The following PARD3 variants were observed in gnomAD, a reference collection of about 807,000 sequenced individuals.
PARD3 encodes the protein par-3 family cell polarity regulator.
Under a neutral mutation model 155.4 loss-of-function variants are expected in PARD3, and 75 were observed. The observed-to-expected ratio is 0.48, with a 90% confidence interval of 0.40 to 0.58. The LOEUF is 0.58. PARD3 is among the 20% of genes least tolerant of loss of function. The probability of loss-of-function intolerance (pLI) is 0.00; values close to 1 mark genes in which losing one functional copy is unlikely to be tolerated. For missense variants in PARD3, 1,642 were observed against 1,721.7 expected (o/e 0.95, Z 0.82); for synonymous variants, 576 against 610.5 (o/e 0.94, Z 0.83).
At chr10:34,496,295 T>A (rs917167888) in intron 3 of PARD3, among the ~76,000 whole-genome samples, 1 of 151,866 alleles carries the variant, frequency 6.6e-6, no homozygotes, top group Admixed American at 6.6e-5. Flanking sequence ...ACTTTCCATA[T>A]GAACTGTATA....
At chr10:34,579,040 G>A (rs1196915853) in intron 2 of PARD3, among the ~76,000 whole-genome samples, 3 of 152,148 alleles carry the variant, frequency 2.0e-5, no homozygotes, top group African/African-American at 7.2e-5. Flanking sequence ...GGGAGACCAA[G>A]GAGGGTGGAT....
chr10:34,446,865 G>A (rs532148445), intron 5 of PARD3, among the ~76,000 whole-genome samples: 3 of 152,072 alleles, frequency 2.0e-5, no homozygotes, highest in Non-Finnish European at 4.4e-5. Context: ...ATAAAACATA[G>A]GCTGAGATGA....
chr10:34,753,982 T>C (rs1028702042), intron 1 of PARD3, among the ~76,000 whole-genome samples: 2 of 152,082 alleles, frequency 1.3e-5, no homozygotes, highest in Non-Finnish European at 2.9e-5. Flanking sequence ...AAAATAGTCA[T>C]CGTAGATCAG....
intron 2 of PARD3, among the ~76,000 whole-genome samples, chr10:34,605,096 T>C (rs924317915): frequency 6.6e-6 from 1 of 151,892 alleles, no homozygotes; most frequent in Non-Finnish European, 1.5e-5. Flanking sequence ...AATTTTGTTG[T>C]ACACTAGGGT....
At chr10:34,149,848 G>A (rs936124099) in intron 22 of PARD3, among the ~76,000 whole-genome samples, 2 of 152,054 alleles carry the variant, frequency 1.3e-5, no homozygotes, top group African/African-American at 4.8e-5. Flanking sequence ...TTTTGCCTTG[G>A]CTGCCAGGAA....
intron 5 of PARD3, among the ~76,000 whole-genome samples, chr10:34,443,733 G>A (rs534198832): frequency 1.5e-4 from 23 of 151,892 alleles, no homozygotes; most frequent in African/African-American, 5.3e-4. Flanking sequence ...ATTTGGGTGG[G>A]GACACAGCCA....
At chr10:34,754,228 A>T (rs2133970862) in intron 1 of PARD3, among the ~76,000 whole-genome samples, 1 of 152,044 alleles carries the variant, frequency 6.6e-6, no homozygotes, top group South Asian at 2.1e-4. Flanking sequence ...CTGGATTTGA[A>T]CTCCTGGCCT....
intron 1 of PARD3, among the ~76,000 whole-genome samples, chr10:34,725,237 C>G: frequency 6.6e-6 from 1 of 151,878 alleles, no homozygotes; most frequent in Admixed American, 6.6e-5. Flanking sequence ...ACTGCATGCT[C>G]CAACTCCCAG....
intron 12 of PARD3, among the ~76,000 whole-genome samples, chr10:34,364,187 C>A (rs920903041): frequency 6.6e-6 from 1 of 152,122 alleles, no homozygotes; most frequent in Non-Finnish European, 1.5e-5. Context: ...GAAAAACAAT[C>A]ATGGGAAGGG....
At chr10:34,146,544 A>G (rs999098221) in intron 22 of PARD3, among the ~76,000 whole-genome samples, 1 of 152,204 alleles carries the variant, frequency 6.6e-6, no homozygotes, top group African/African-American at 2.4e-5. Flanking sequence ...CAAGCACATG[A>G]CCTGGTGCTA....
At chr10:34,722,033 A>G (rs1282962466) in intron 1 of PARD3, among the ~76,000 whole-genome samples, 2 of 151,982 alleles carry the variant, frequency 1.3e-5, no homozygotes, top group Non-Finnish European at 2.9e-5. Flanking sequence ...AATAATAAAA[A>G]ACACAAAAAT....
intron 7 of PARD3, among the ~76,000 whole-genome samples, chr10:34,396,153 C>T (rs897717294): frequency 6.6e-6 from 1 of 152,130 alleles, no homozygotes; most frequent in Non-Finnish European, 1.5e-5. Context: ...TGTTCCAGAT[C>T]AACCTGGCCA....
chr10:34,190,338 T>A (rs986481077), intron 22 of PARD3, among the ~76,000 whole-genome samples: 2 of 152,182 alleles, frequency 1.3e-5, no homozygotes, highest in Non-Finnish European at 2.9e-5. Flanking sequence ...TTTCTAAAAA[T>A]CTAAGACAAT....
intron 22 of PARD3, among the ~76,000 whole-genome samples, chr10:34,147,294 G>C (rs1308633894): frequency 6.6e-6 from 1 of 152,090 alleles, no homozygotes; most frequent in Non-Finnish European, 1.5e-5. Flanking sequence ...CTGTGGGTTT[G>C]CTTGGTTTCT....
At chr10:34,599,550 A>C (rs2089590463) in intron 2 of PARD3, among the ~76,000 whole-genome samples, 2 of 152,232 alleles carry the variant, frequency 1.3e-5, no homozygotes. Context: ...GTTATCTTCA[A>C]GTATTTGAAT....
chr10:34,422,382 T>A (rs550411244), intron 5 of PARD3, among the ~76,000 whole-genome samples: 3 of 152,034 alleles, frequency 2.0e-5, no homozygotes, highest in African/African-American at 7.2e-5. Flanking sequence ...TTGTCAGATA[T>A]GAACCCAAAG....
At chr10:34,293,737 T>C (rs1186931321) in intron 20 of PARD3, among the ~76,000 whole-genome samples, 1 of 152,236 alleles carries the variant, frequency 6.6e-6, no homozygotes, top group African/African-American at 2.4e-5. Flanking sequence ...TGAAAAATAC[T>C]ATCACTGCTG....
In PARD3 at chr10:34,109,903, C is replaced by A. The variant is rs1946322041; in HGVS notation, c.*1266G>T. On this transcript the variant is annotated 3_prime_UTR_variant, in exon 25 of 25. Transcript: ENST00000374788. The stretch of plus-strand genomic sequence containing the variant: ...CTGAGCTTTCACCTCCAGCTTTTTC[C>A]ACATCGGGATTCACAGGCACTTTAG... 1 of 151,458 alleles carries A rather than the reference C, an allele frequency of 6.6e-6. No homozygotes were observed. The allele number at this position is 151,458 out of a possible 1,614,324, so 9.4% of individuals were successfully genotyped here. A position where few individuals can be genotyped will look rare whatever the true frequency, so the allele number is the denominator to read the frequency against.
At chr10:34,270,622 T>A (rs1315832218) in intron 21 of PARD3, among the ~76,000 whole-genome samples, 1 of 152,172 alleles carries the variant, frequency 6.6e-6, no homozygotes, top group African/African-American at 2.4e-5. Flanking sequence ...TATATACCTA[T>A]CTTACTCATT....
Sources: allele counts gnomAD v4.1 joint callset (sites outside exome capture counted in the v4.1 genomes callset), GRCh38; gene constraint gnomAD v4.1.1; transcripts MANE v1.5; gene names NCBI Gene and HGNC (gene_info 2026-07-23, HGNC 2026-07-21).